The following PCCA variants were observed in gnomAD, a reference collection of about 807,000 sequenced individuals.
The protein encoded by PCCA is propionyl-CoA carboxylase subunit alpha.
In PCCA, 74 loss-of-function variants were observed where a neutral mutation model predicts 101.3. The observed-to-expected ratio is 0.73, with a 90% CI of 0.61 to 0.89. The LOEUF (loss-of-function observed/expected upper bound fraction) is 0.89. Ranked by LOEUF, PCCA falls within the 40% of genes least tolerant of loss-of-function variation. PCCA has a pLI of 0.00. For missense variants in PCCA, 891 were observed against 907.0 expected, an observed-to-expected ratio of 0.98 and a Z score of 0.23; for synonymous variants, 294 against 313.6, an observed-to-expected ratio of 0.94 and a Z score of 0.66.
intron 18 of PCCA, among the ~76,000 whole-genome samples, chr13:100,348,829 CT>C (rs2072825813): frequency 7.6e-6 from 1 of 131,732 alleles, no homozygotes; most frequent in Non-Finnish European, 1.7e-5. Context: ...TCTTTCTTTT[CT>C]CTCTCTTTTT....
chr13:100,488,112 A>G (rs1171905918), intron 21 of PCCA, among the ~76,000 whole-genome samples: 2 of 151,516 alleles, frequency 1.3e-5, no homozygotes, highest in African/African-American at 2.4e-5. Context: ...TTTATTTTTG[A>G]GACGGAGGTT....
rs565873791 is a variant in PCCA at position 100,311,148 on chromosome 13, G to A, written c.1429+1240G>A. 1.9e-3 allele frequency among the ~76,000 whole-genome samples: 282 copies of A among 151,764 alleles called. 1 individual carries two copies. Among genetic ancestry groups the A allele is most frequent in the African/African-American group, 6.5e-3 (270 of 41,356 alleles). On this transcript the variant is annotated intron_variant, in intron 16 of 23. Coordinates refer to ENST00000376285, the MANE Select transcript of PCCA (RefSeq NM_000282.4). Reference sequence around the variant, plus strand: ...ACTTGGGAGGCTGAGGCAGAAAATTGCTTGAACCCGGGAGGCTTAGTTTGC... The same window carrying A: ...ACTTGGGAGGCTGAGGCAGAAAATTACTTGAACCCGGGAGGCTTAGTTTGC...
chr13:100,458,418 TGC>T (rs148274121), intron 21 of PCCA, among the ~76,000 whole-genome samples: 4 of 104,568 alleles, frequency 3.8e-5, no homozygotes, highest in African/African-American at 9.9e-5. Flanking sequence ...ACCCCATCTC[TGC>T]GCGCACACAC....
intron 21 of PCCA, among the ~76,000 whole-genome samples, chr13:100,479,327 G>A (rs985332005): frequency 1.3e-5 from 2 of 152,122 alleles, no homozygotes; most frequent in Admixed American, 6.6e-5. Context: ...GCTGACCAAC[G>A]TCCTAGATAC....
chr13:100,406,318 C>A (rs1276969474), intron 19 of PCCA, among the ~76,000 whole-genome samples: 2 of 152,198 alleles, frequency 1.3e-5, no homozygotes, highest in East Asian at 3.9e-4. Flanking sequence ...AGATAGTTTC[C>A]AAATTCTAGA....
At chr13:100,462,679 A>G (rs1418978659) in intron 21 of PCCA, among the ~76,000 whole-genome samples, 1 of 152,206 alleles carries the variant, frequency 6.6e-6, no homozygotes, top group Non-Finnish European at 1.5e-5. Flanking sequence ...TTCATATCTT[A>G]TTAGACATTA....
At chr13:100,434,532 C>T (rs1025940990) in intron 20 of PCCA, among the ~76,000 whole-genome samples, 6 of 152,204 alleles carry the variant, frequency 3.9e-5, no homozygotes, top group African/African-American at 7.2e-5. Context: ...CAAAGCTGGC[C>T]GGTAGCCCTG....
intron 21 of PCCA, among the ~76,000 whole-genome samples, chr13:100,469,740 A>T (rs1052145255): frequency 3.9e-5 from 6 of 152,070 alleles, no homozygotes; most frequent in African/African-American, 1.5e-4. Flanking sequence ...AGATCTCACC[A>T]CTGCACTCCA....
At chr13:100,163,057 A>G (rs2152398664) in intron 6 of PCCA, among the ~76,000 whole-genome samples, 1 of 152,272 alleles carries the variant, frequency 6.6e-6, no homozygotes, top group Non-Finnish European at 1.5e-5. Context: ...TGGAATACTA[A>G]ATGCTCTAAA....
At chr13:100,177,429 T>A (rs1164286345) in intron 6 of PCCA, among the ~76,000 whole-genome samples, 9 of 152,228 alleles carry the variant, frequency 5.9e-5, no homozygotes, top group Non-Finnish European at 1.2e-4. Flanking sequence ...TAATAAGACT[T>A]GGTCTATTAG....
chr13:100,103,449 T>C (rs955480757), intron 2 of PCCA, among the ~76,000 whole-genome samples: 3 of 150,972 alleles, frequency 2.0e-5, no homozygotes, highest in African/African-American at 7.3e-5. Context: ...GTAGCTGGGA[T>C]TACAGGCGCC....
chr13:100,348,728 CT>C (rs1267837296), intron 18 of PCCA, among the ~76,000 whole-genome samples: 11 of 65,232 alleles, frequency 1.7e-4, no homozygotes, highest in African/African-American at 7.1e-4. Flanking sequence ...GTTTTTTTTC[CT>C]TTCTTTCTTT....
At chr13:100,529,783 C>T (rs2088225232) in intron 23 of PCCA, among the ~76,000 whole-genome samples, 2 of 152,182 alleles carry the variant, frequency 1.3e-5, no homozygotes, top group Admixed American at 1.3e-4. Flanking sequence ...GAAGAGCCTG[C>T]CTAGACCTGA....
intron 10 of PCCA, among the ~76,000 whole-genome samples, chr13:100,267,337 T>G (rs1315576277): frequency 6.6e-6 from 1 of 152,220 alleles, no homozygotes; most frequent in East Asian, 1.9e-4. Context: ...TTTATTGCTG[T>G]TATGTTTTCC....
chr13:100,149,026 A>C (rs2052950956), intron 4 of PCCA, among the ~76,000 whole-genome samples: 1 of 152,168 alleles, frequency 6.6e-6, no homozygotes, highest in South Asian at 2.1e-4. Flanking sequence ...TCTATGATCA[A>C]ATTGCCTTTC....
At chr13:100,364,927 T>G (rs2075016746) in intron 18 of PCCA, among the ~76,000 whole-genome samples, 1 of 151,992 alleles carries the variant, frequency 6.6e-6, no homozygotes, top group East Asian at 1.9e-4. Context: ...CGCACACCTG[T>G]AATCCCAGCC....
intron 23 of PCCA, among the ~76,000 whole-genome samples, 179 bp downstream of exon 23, chr13:100,527,931 G>A (rs370855264): frequency 2.6e-5 from 4 of 152,218 alleles, no homozygotes; most frequent in Non-Finnish European, 5.9e-5. Context: ...TCCCTGCCTC[G>A]TAGAGAGCGT....
At chr13:100,376,541 C>G (rs552703950) in intron 19 of PCCA, among the ~76,000 whole-genome samples, 1 of 152,164 alleles carries the variant, frequency 6.6e-6, no homozygotes, top group Admixed American at 6.5e-5. Flanking sequence ...TTCAGAGATG[C>G]CTTGCCTAGA....
intron 4 of PCCA, among the ~76,000 whole-genome samples, chr13:100,134,845 G>GTC (rs1253812203): frequency 6.6e-6 from 1 of 151,818 alleles, no homozygotes; most frequent in Non-Finnish European, 1.5e-5. Context: ...GCCTGTTTAG[G>GTC]TCTGCTTTGA....
Sources: gnomAD v4.1 joint callset for allele counts (sites outside exome capture counted in the v4.1 genomes callset) on GRCh38, gnomAD v4.1.1 for gene constraint, MANE v1.5 for transcripts, NCBI Gene and HGNC (gene_info 2026-07-23, HGNC 2026-07-21) for gene names.